Variants in COTL1 observed in about 807,000 individuals in gnomAD.
COTL1 encodes coactosin like F-actin binding protein 1.
In COTL1, 15 loss-of-function variants were observed where a neutral mutation model predicts 16.5. The ratio of observed to expected loss-of-function variants is 0.91; its 90% CI spans 0.61 to 1.40. The LOEUF is 1.40. Among genes scored for constraint, COTL1 ranks in the 40% most tolerant of loss-of-function variants. COTL1 has a pLI of 0.00. For synonymous variants in COTL1, 112 were observed against 85.3 expected (o/e 1.31, Z -1.73); for missense variants, 220 against 201.5 (o/e 1.09, Z -0.56).
chr16:84,576,722 G>T (rs1176315451), intron 3 of COTL1: 1 of 152,224 alleles, frequency 6.6e-6, no homozygotes, highest in Non-Finnish European at 1.5e-5. Flanking sequence ...GACACGGGAC[G>T]AAGTTCCACC....
At chr16:84,578,366 A>T (rs747062275) in intron 3 of COTL1, among the ~76,000 whole-genome samples, 10 of 152,232 alleles carry the variant, frequency 6.6e-5, no homozygotes, top group Non-Finnish European at 1.3e-4. Context: ...TTTTCAGCAA[A>T]AGTTGGATAA....
At chr16:84,592,676 T>C (rs1904899658) in intron 2 of COTL1, among the ~76,000 whole-genome samples, 1 of 151,844 alleles carries the variant, frequency 6.6e-6, no homozygotes, top group Admixed American at 6.6e-5. Context: ...ACGAAGCATG[T>C]AGGTTAGCAC....
At chr16:84,597,141 G>C (rs554808338) in intron 2 of COTL1, among the ~76,000 whole-genome samples, 65 of 152,338 alleles carry the variant, frequency 4.3e-4, no homozygotes, top group African/African-American at 1.5e-3. Flanking sequence ...CTGGGTTTCA[G>C]AGTGAGGCAC....
chr16:84,598,826 G>A (rs1905058240), intron 2 of COTL1, among the ~76,000 whole-genome samples: 1 of 149,782 alleles, frequency 6.7e-6, no homozygotes, highest in Non-Finnish European at 1.5e-5. Context: ...GGCAGGGGTG[G>A]GGGGGAGCAA....
intron 3 of COTL1, among the ~76,000 whole-genome samples, chr16:84,584,074 C>T (rs768902124): frequency 2.0e-4 from 30 of 152,240 alleles, no homozygotes; most frequent in Admixed American, 7.2e-4. Flanking sequence ...GCGGTCACTG[C>T]ATTGTCCCCA....
In COTL1 at chr16:84,590,793, A is replaced by C. The variant is rs1904842994; in HGVS notation, c.161-531T>G. On this transcript the variant is annotated intron_variant, in intron 2 of 3. Coordinates refer to ENST00000262428, the MANE Select transcript of COTL1 (RefSeq NM_021149.5). This position sits in a 1 kb window ranked among gnomAD's most constrained non-coding sequence, Gnocchi z 5.5. The stretch of plus-strand genomic sequence containing the variant: ...GAAATTCATCAACTCTTTTTGCCTC[A>C]ATCTTTGCAGTTTGGAATGAGACTC... Among the ~76,000 whole-genome samples, 1 of 152,128 alleles carries C rather than the reference A, an allele frequency of 6.6e-6. No homozygotes were observed. The highest frequency in any genetic ancestry group is 6.5e-5 in the Admixed American group (1 of 15,274).
intron 3 of COTL1, among the ~76,000 whole-genome samples, chr16:84,573,987 T>A (rs941189943): frequency 4.6e-5 from 7 of 152,092 alleles, no homozygotes; most frequent in Non-Finnish European, 8.8e-5. Flanking sequence ...GGACCCTTTC[T>A]CTACAAATAA....
chr16:84,600,094 C>T (rs962123437), intron 2 of COTL1, among the ~76,000 whole-genome samples: 2 of 152,182 alleles, frequency 1.3e-5, no homozygotes, highest in Non-Finnish European at 2.9e-5. Flanking sequence ...GCTCTCATTA[C>T]TAAGAGGCCT....
At chr16:84,571,588 C>T (rs1209782089) in intron 3 of COTL1, among the ~76,000 whole-genome samples, 1 of 152,184 alleles carries the variant, frequency 6.6e-6, no homozygotes, top group East Asian at 1.9e-4. Context: ...CCACCCCTTC[C>T]CCGTTCTTTG....
chr16:84,588,473 G>C (rs995583106), intron 3 of COTL1, among the ~76,000 whole-genome samples: 2 of 152,094 alleles, frequency 1.3e-5, no homozygotes, highest in Admixed American at 6.6e-5. Context: ...TCCAATTCAA[G>C]ATAGCACATT....
At chr16:84,598,568 C>T (rs1905050613) in intron 2 of COTL1, among the ~76,000 whole-genome samples, 1 of 152,080 alleles carries the variant, frequency 6.6e-6, no homozygotes, top group Non-Finnish European at 1.5e-5. Flanking sequence ...CCTGGCTCTC[C>T]TCTGACCTTT....
chr16:84,617,451 A>T (rs1191330961), intron 2 of COTL1, 50 bp downstream of exon 2: 1 of 1,520,590 alleles, frequency 6.6e-7, no homozygotes. Context: ...CCCCGGGTGC[A>T]GACAACCTCC....
chr16:84,600,364 G>T (rs1274609218), intron 2 of COTL1, among the ~76,000 whole-genome samples: 1 of 142,604 alleles, frequency 7.0e-6, no homozygotes, highest in Non-Finnish European at 1.5e-5. Flanking sequence ...CCAGCCTGCA[G>T]TGCCGTGGCA....
chr16:84,611,411 T>G (rs1253232758), intron 2 of COTL1, among the ~76,000 whole-genome samples: 2 of 152,254 alleles, frequency 1.3e-5, no homozygotes, highest in African/African-American at 2.4e-5. Flanking sequence ...GGAAGAAACT[T>G]TGGCATTACA....
intron 3 of COTL1, among the ~76,000 whole-genome samples, chr16:84,574,770 G>T (rs1376462408): frequency 1.3e-5 from 2 of 152,084 alleles, no homozygotes; most frequent in East Asian, 3.9e-4. Flanking sequence ...TTTTAGTAGA[G>T]ACGGGGTTTC....
At chr16:84,567,709 T>G (rs1346315042) in intron 3 of COTL1, 4 of 152,276 alleles carry the variant, frequency 2.6e-5, no homozygotes, top group African/African-American at 9.7e-5. Flanking sequence ...TCTTTCCTCT[T>G]GCAGTACACA....
intron 2 of COTL1, among the ~76,000 whole-genome samples, chr16:84,600,117 C>T (rs1905079600): frequency 6.6e-6 from 1 of 152,122 alleles, no homozygotes; most frequent in Non-Finnish European, 1.5e-5. Flanking sequence ...TATCACTATA[C>T]CACTTGCTGT....
intron 2 of COTL1, among the ~76,000 whole-genome samples, chr16:84,615,021 C>G (rs1264932259): frequency 6.6e-6 from 1 of 152,206 alleles, no homozygotes; most frequent in African/African-American, 2.4e-5. Flanking sequence ...CCACACCAGG[C>G]TGTTCTGAGG....
chr16:84,571,103 C>G (rs1416059100), intron 3 of COTL1, among the ~76,000 whole-genome samples: 2 of 152,196 alleles, frequency 1.3e-5, no homozygotes, highest in East Asian at 1.9e-4. Flanking sequence ...GACATACTGC[C>G]TCCAGGGGTG....
Sources: gnomAD v4.1 joint callset for allele counts (sites outside exome capture counted in the v4.1 genomes callset) on GRCh38, gnomAD v4.1.1 for gene constraint, Gnocchi (gnomAD v3.1) non-coding constraint, MANE v1.5 for transcripts, NCBI Gene and HGNC (gene_info 2026-07-23, HGNC 2026-07-21) for gene names.